COBL: variants seen among roughly 807,000 people sequenced by gnomAD.
The protein encoded by COBL is protein cordon-bleu.
Under a neutral mutation model 98.8 loss-of-function variants are expected in COBL, and 51 were observed. The ratio of observed to expected loss-of-function variants is 0.52; its 90% confidence interval spans 0.41 to 0.65. COBL has a LOEUF of 0.65. Among genes scored for constraint, COBL ranks in the 30% least tolerant of loss-of-function variants. The pLI, the probability that COBL is intolerant of heterozygous loss-of-function variation, is 0.00. For missense variants in COBL, 1,617 were observed against 1,617.5 expected (o/e 1.00, Z 0.01); for synonymous variants, 634 against 651.7 (o/e 0.97, Z 0.41).
In COBL at chr7:51,129,116, C is replaced by T. The variant is rs569478252; in HGVS notation, c.957+7042G>A. Among the ~76,000 whole-genome samples, 125 of 152,236 alleles carry T rather than the reference C, an allele frequency of 8.2e-4. 2 individuals are homozygous for T. In the South Asian group the frequency reaches 0.024, roughly 29 times the overall value. ...TATTTGCGCACATTTTGAAATCATG[C>T]TTTTTTCACTGAGAAACTGTGTTAG... is the stretch of plus-strand genomic sequence containing the variant. On this transcript the variant is annotated intron_variant, in intron 6 of 12. Transcript: ENST00000265136.
chr7:51,173,432 C>T (rs1788072809), intron 5 of COBL, among the ~76,000 whole-genome samples: 1 of 152,154 alleles, frequency 6.6e-6, no homozygotes, highest in African/African-American at 2.4e-5. Context: ...ATCTGCCCAC[C>T]TCAGCCTCCA....
intron 8 of COBL, among the ~76,000 whole-genome samples, chr7:51,042,115 T>C (rs1221860227): frequency 6.6e-6 from 1 of 152,086 alleles, no homozygotes; most frequent in Non-Finnish European, 1.5e-5. Flanking sequence ...AGAGAGCAGT[T>C]TTACAAGAAA....
chr7:51,278,952 G>A (rs867666992), intron 1 of COBL, among the ~76,000 whole-genome samples: 2 of 152,332 alleles, frequency 1.3e-5, no homozygotes, highest in Middle Eastern at 3.4e-3. Context: ...CAGCACCCAC[G>A]CAGCAGGCGG....
At chr7:51,108,580 T>A (rs1280917025) in intron 6 of COBL, among the ~76,000 whole-genome samples, 6 of 152,226 alleles carry the variant, frequency 3.9e-5, no homozygotes. Context: ...TCATTCCTTC[T>A]GTTTGCTTTT....
chr7:51,101,986 T>C (rs1225341805), intron 6 of COBL, among the ~76,000 whole-genome samples: 1 of 152,134 alleles, frequency 6.6e-6, no homozygotes, highest in Non-Finnish European at 1.5e-5. Context: ...TTAGAGCCCT[T>C]ACAAGGGACC....
intron 10 of COBL, among the ~76,000 whole-genome samples, chr7:51,027,491 G>A (rs1456781847): frequency 1.3e-5 from 2 of 152,214 alleles, no homozygotes; most frequent in Non-Finnish European, 2.9e-5. Flanking sequence ...AAGTCAGTGT[G>A]GACTAGCCTC....
At chr7:51,180,206 A>C (rs1481522981) in intron 5 of COBL, among the ~76,000 whole-genome samples, 2 of 152,222 alleles carry the variant, frequency 1.3e-5, no homozygotes, top group African/African-American at 2.4e-5. Context: ...TTCAGATATG[A>C]CCAGACTGGT....
At chr7:51,269,562 C>T (rs891649152) in intron 1 of COBL, among the ~76,000 whole-genome samples, 2 of 152,232 alleles carry the variant, frequency 1.3e-5, no homozygotes, top group Non-Finnish European at 2.9e-5. Context: ...CATGTCACAG[C>T]CCTGCCCCTG....
intron 1 of COBL, among the ~76,000 whole-genome samples, chr7:51,272,507 T>C (rs1445492679): frequency 6.6e-6 from 1 of 152,164 alleles, no homozygotes; most frequent in Admixed American, 6.5e-5. Context: ...TATCACTCCA[T>C]CATGGGCGAC....
intron 4 of COBL, among the ~76,000 whole-genome samples, chr7:51,187,325 TATATATACACACACACAC>T (rs1789630613): frequency 7.3e-6 from 1 of 136,192 alleles, no homozygotes; most frequent in South Asian, 2.2e-4. Context: ...TATATATATA[TATATATACACACACACAC>T]ACACACACAC....
At chr7:51,172,831 C>T (rs187680543) in intron 5 of COBL, among the ~76,000 whole-genome samples, 13 of 151,808 alleles carry the variant, frequency 8.6e-5, no homozygotes, top group South Asian at 4.2e-4. Flanking sequence ...CTGTGTCGCC[C>T]GGGCTGGAGT....
intron 12 of COBL, among the ~76,000 whole-genome samples, chr7:51,017,772 C>T (rs1450580980): frequency 6.6e-6 from 1 of 152,188 alleles, no homozygotes; most frequent in African/African-American, 2.4e-5. Context: ...CTCGTAAAAG[C>T]TGCCAGGGAA....
At chr7:51,131,718 C>T (rs1000763180) in intron 6 of COBL, among the ~76,000 whole-genome samples, 7 of 152,122 alleles carry the variant, frequency 4.6e-5, no homozygotes, top group Non-Finnish European at 8.8e-5. Flanking sequence ...CTCAGCCTCC[C>T]AAGCAGCTGG....
At chr7:51,277,120 G>A (rs1297785858) in intron 1 of COBL, among the ~76,000 whole-genome samples, 4 of 152,188 alleles carry the variant, frequency 2.6e-5, no homozygotes, top group African/African-American at 9.7e-5. Context: ...CCCAGAGCCA[G>A]GCCAGGGATG....
intron 6 of COBL, among the ~76,000 whole-genome samples, chr7:51,130,238 G>C (rs905465285): frequency 6.6e-6 from 1 of 152,120 alleles, no homozygotes; most frequent in African/African-American, 2.4e-5. Context: ...AGCCTCAGCC[G>C]ACCTGAGTCC....
At chr7:51,279,913 G>C (rs148800450) in intron 1 of COBL, among the ~76,000 whole-genome samples, 1 of 151,996 alleles carries the variant, frequency 6.6e-6, no homozygotes, top group African/African-American at 2.4e-5. Flanking sequence ...ATGTATTTAA[G>C]GTTTTTCCAT....
intron 7 of COBL, among the ~76,000 whole-genome samples, chr7:51,044,353 T>A (rs764390113): frequency 1.5e-4 from 23 of 152,184 alleles, no homozygotes; most frequent in Non-Finnish European, 7.3e-5. Context: ...ATACTAATGA[T>A]GGGTAGCACT....
chr7:51,239,008 T>C (rs907582154), intron 1 of COBL, among the ~76,000 whole-genome samples: 3 of 152,222 alleles, frequency 2.0e-5, no homozygotes, highest in Non-Finnish European at 4.4e-5. Context: ...TATAAACTTA[T>C]GGTTAAATAA....
intron 1 of COBL, among the ~76,000 whole-genome samples, chr7:51,310,486 C>T (rs1482640232): frequency 6.6e-6 from 1 of 152,142 alleles, no homozygotes; most frequent in African/African-American, 2.4e-5. Context: ...CCTGTCTGGC[C>T]CTCGGCAGCC....
Sources: allele counts gnomAD v4.1 joint callset (sites outside exome capture counted in the v4.1 genomes callset), GRCh38; gene constraint gnomAD v4.1.1; transcripts MANE v1.5; gene names NCBI Gene and HGNC (gene_info 2026-07-23, HGNC 2026-07-21).